Variants in CPO observed in about 807,000 individuals in gnomAD.
The protein encoded by CPO is carboxypeptidase O, also known as metallocarboxypeptidase C.
CPO carries 43 observed loss-of-function variants against 41.2 expected under a neutral mutation model. The observed-to-expected ratio is 1.04, with a 90% CI of 0.82 to 1.35. The LOEUF (loss-of-function observed/expected upper bound fraction) is 1.35, where lower values mean the gene tolerates loss of function less well. Among genes scored for constraint, CPO ranks in the 40% most tolerant of loss-of-function variants. The pLI is 0.00. For synonymous variants in CPO, 178 were observed against 162.7 expected, an observed-to-expected ratio of 1.09 and a Z score of -0.72; for missense variants, 408 against 451.7, an observed-to-expected ratio of 0.90 and a Z score of 0.88.
intron 1 of CPO, among the ~76,000 whole-genome samples, chr2:206,944,144 C>T (rs951553946): frequency 2.0e-5 from 3 of 151,940 alleles, no homozygotes; most frequent in African/African-American, 7.2e-5. Flanking sequence ...GGTTGAGTGA[C>T]TTAAATAAGA....
chr2:206,959,349 A>G (rs1355382414), intron 4 of CPO, among the ~76,000 whole-genome samples: 2 of 152,298 alleles, frequency 1.3e-5, no homozygotes, highest in East Asian at 3.9e-4. Context: ...CTCCATTTCA[A>G]ACCTAGTAAA....
chr2:206,953,604 C>T (rs1198972095), intron 2 of CPO, among the ~76,000 whole-genome samples: 1 of 152,218 alleles, frequency 6.6e-6, no homozygotes, highest in East Asian at 1.9e-4. Context: ...TGCAGTTCTT[C>T]CAGGTGCACA....
In CPO at chr2:206,960,789, A is replaced by G. The variant is rs1693464202; in HGVS notation, c.484-63A>G. 3.5e-6 allele frequency: 4 copies of G among 1,154,230 alleles called. No individual in the cohort carries two copies. In the South Asian group the frequency reaches 3.7e-5, roughly 11 times the overall value. The allele number at this position is 1,154,230 out of a possible 1,614,324, so 71.5% of individuals were successfully genotyped here. On this transcript the variant is annotated intron_variant, in intron 5 of 8. Coordinates refer to ENST00000272852, the MANE Select transcript of CPO (RefSeq NM_173077.3). The stretch of plus-strand genomic sequence containing the variant: ...TTTTCATGTTCAAGGACCACCTATC[A>G]TCACTAACACTGTGATTTATGAAAC...
intron 3 of CPO, 142 bp from the exon 4 acceptor site, chr2:206,958,159 A>T (rs1420821184): frequency 5.4e-6 from 3 of 558,878 alleles, no homozygotes; most frequent in African/African-American, 3.8e-5. Context: ...TGGGTGTCTC[A>T]TTAGCATCCT....
At position 206,969,288 on chromosome 2, in the gene CPO, T is replaced by A; in HGVS notation, c.977T>A (p.Ile326Asn). ...TYGFVLPEAQ[I>N]QPTCEETMEA... ...GGGTTTGTTCTGCCAGAAGCTCAGA[T>A]CCAGCCCACCTGTGAGGAGACCATG... Residue 326 changes from isoleucine to asparagine, a missense_variant, in exon 9 of 9, where the codon ATC becomes AAC. Ile to Asn is a moderately radical substitution (Grantham distance 149, BLOSUM62 -3). Coordinates refer to ENST00000272852, the MANE Select transcript of CPO (RefSeq NM_173077.3). The A allele has an allele frequency of 1.2e-6, 2 of 1,614,132 alleles. No individual in the cohort carries two copies. Among genetic ancestry groups the A allele is most frequent in the Non-Finnish European group, 1.7e-6 (2 of 1,180,022 alleles).
chr2:206,965,403 G>A lies in CPO; in HGVS notation c.777+2789G>A, dbSNP rs546226183. Among the ~76,000 whole-genome samples the A allele has an allele frequency of 7.2e-5, 11 of 152,202 alleles. No individual in the cohort carries two copies. In the South Asian group the frequency reaches 2.3e-3, roughly 32 times the overall value. On this transcript the variant is annotated intron_variant, in intron 7 of 8. Coordinates refer to ENST00000272852, the MANE Select transcript of CPO (RefSeq NM_173077.3). Reference sequence around the variant, plus strand: ...TACTATTTACAAGCCACAGAGACTAGTAATTAATCTCTATTATTTACAAAA... The same window carrying A: ...TACTATTTACAAGCCACAGAGACTAATAATTAATCTCTATTATTTACAAAA...
chr2:206,959,475 G>A (rs1473824892), intron 4 of CPO, among the ~76,000 whole-genome samples, 156 bp from the exon 5 acceptor site: 1 of 152,164 alleles, frequency 6.6e-6, no homozygotes, highest in Admixed American at 6.5e-5. Context: ...TAAAGTTTGG[G>A]AACAACTACT....
chr2:206,944,929 G>A (rs1693115671), intron 1 of CPO, among the ~76,000 whole-genome samples: 1 of 152,066 alleles, frequency 6.6e-6, no homozygotes, highest in African/African-American at 2.4e-5. Flanking sequence ...GGCATTGTTT[G>A]AGGATAATAC....
At chr2:206,966,514 C>T (rs1693579706) in intron 7 of CPO, among the ~76,000 whole-genome samples, 1 of 152,126 alleles carries the variant, frequency 6.6e-6, no homozygotes, top group South Asian at 2.1e-4. Context: ...ATCCTGCCCA[C>T]CCCTCCCTCT....
At chr2:206,962,300 G>T in intron 6 of CPO, 112 bp from the exon 7 acceptor site, 1 of 902,602 alleles carries the variant, frequency 1.1e-6, no homozygotes, top group Non-Finnish European at 1.8e-6. Flanking sequence ...AGACAACCAA[G>T]GGCAAGCGCT....
intron 2 of CPO, among the ~76,000 whole-genome samples, chr2:206,952,951 TAAAACCATCAGGTCTCCTGAGAC>T (rs1309179188): frequency 1.3e-5 from 2 of 152,160 alleles, no homozygotes; most frequent in African/African-American, 2.4e-5. Context: ...CTGCCCTTTA[TAAAACCATCAGGTCTCCTGAGAC>T]TTATTCACTA....
chr2:206,955,170 G>A (rs933016059), intron 2 of CPO, among the ~76,000 whole-genome samples: 1 of 152,196 alleles, frequency 6.6e-6, no homozygotes, highest in Non-Finnish European at 1.5e-5. Context: ...TCAATTGAAG[G>A]ATGTACTGTT....
chr2:206,960,830 T>C, intron 5 of CPO, 22 bp from the exon 6 acceptor site: 1 of 1,529,846 alleles, frequency 6.5e-7, no homozygotes, highest in Non-Finnish European at 9.1e-7. Context: ...AACAGCAACA[T>C]CCGTATGTTC....
rs376741010 is a variant in CPO, at chr2:206,949,582, C to T, written c.69-35C>T. On this transcript the variant is annotated intron_variant, in intron 1 of 8. Transcript: ENST00000272852. ...CAACCCTCAGGATATCCCAGTTTCA[C>T]CACTGCTTTTCCTCTTACTTTCTTC... 27 of 1,505,704 alleles carry T rather than the reference C, an allele frequency of 1.8e-5. No homozygotes were observed. In the East Asian group the frequency reaches 4.5e-4, roughly 25 times the overall value. 93.3% of individuals were successfully genotyped at this position (1,505,704 alleles called of 1,614,324 possible).
chr2:206,961,445 G>A (rs1374284136), intron 6 of CPO, among the ~76,000 whole-genome samples: 3 of 152,126 alleles, frequency 2.0e-5, no homozygotes, highest in Non-Finnish European at 2.9e-5. Flanking sequence ...AGACTTGGCA[G>A]CTGTGTGGTC....
At chr2:206,945,411 T>C (rs1446702784) in intron 1 of CPO, among the ~76,000 whole-genome samples, 1 of 145,636 alleles carries the variant, frequency 6.9e-6, no homozygotes, top group Non-Finnish European at 1.5e-5. Context: ...TAATATGCCC[T>C]GACAATAAAA....
At chr2:206,960,670 T>C (rs947763287) in intron 5 of CPO, among the ~76,000 whole-genome samples, 182 bp from the exon 6 acceptor site, 2 of 152,242 alleles carry the variant, frequency 1.3e-5, no homozygotes, top group Non-Finnish European at 2.9e-5. Context: ...GTTCCTAGTA[T>C]TGGGGGCTGC....
chr2:206,962,726 C>T, intron 7 of CPO, 112 bp downstream of exon 7: 1 of 806,310 alleles, frequency 1.2e-6, no homozygotes, highest in Non-Finnish European at 2.0e-6. Flanking sequence ...GTTCTCTCTG[C>T]TTATCCCTAT....
chr2:206,952,071 A>G (rs1046331107), intron 2 of CPO, among the ~76,000 whole-genome samples: 3 of 152,214 alleles, frequency 2.0e-5, no homozygotes, highest in African/African-American at 7.2e-5. Flanking sequence ...ATGAATGTCA[A>G]TTGAGATATA....
Sources: allele counts gnomAD v4.1 joint callset (sites outside exome capture counted in the v4.1 genomes callset), GRCh38; gene constraint gnomAD v4.1.1; transcripts MANE v1.5; gene names NCBI Gene and HGNC (gene_info 2026-07-23, HGNC 2026-07-21).